Variants in PRELID2 observed in about 807,000 individuals in gnomAD.
The protein encoded by PRELID2 is PRELI domain containing 2.
Under a neutral mutation model 28.4 loss-of-function variants are expected in PRELID2, and 25 were observed. The observed-to-expected ratio is 0.88, with a 90% confidence interval of 0.64 to 1.23. The LOEUF is 1.23. Ranked by LOEUF, PRELID2 falls within the 50% of genes most tolerant of loss-of-function variation. The pLI, the probability that PRELID2 is intolerant of heterozygous loss-of-function variation, is 0.00. For synonymous variants in PRELID2, 76 were observed against 71.6 expected (o/e 1.06, Z -0.31); for missense variants, 201 against 214.4 (o/e 0.94, Z 0.39).
chr5:145,803,462 G>A (rs1248422743), intron 4 of PRELID2, among the ~76,000 whole-genome samples: 3 of 151,934 alleles, frequency 2.0e-5, no homozygotes, highest in African/African-American at 4.8e-5. Flanking sequence ...ACGAAGGCGC[G>A]GCTCCTGGAA....
chr5:145,335,274 C>G, the PRELID2 span, among the ~76,000 whole-genome samples: 11 of 151,784 alleles, frequency 7.2e-5, no homozygotes, highest in Non-Finnish European at 1.2e-4. Flanking sequence ...GCATTTTTAT[C>G]TCATTCGTTG....
At chr5:145,740,302 AT>A (rs1756629316) in intron 1 of PRELID2, among the ~76,000 whole-genome samples, 4 of 99,380 alleles carry the variant, frequency 4.0e-5, no homozygotes, top group African/African-American at 1.2e-4. Flanking sequence ...ATATATATAT[AT>A]ATATATATAT....
the PRELID2 span, among the ~76,000 whole-genome samples, chr5:145,379,043 A>G: frequency 2.7e-4 from 41 of 151,980 alleles, no homozygotes; most frequent in Non-Finnish European, 5.6e-4. Flanking sequence ...TTCTCGTATA[A>G]GGTTGATTCA....
At chr5:145,579,953 T>C (rs1753093741) in intron 1 of PRELID2, among the ~76,000 whole-genome samples, 1 of 152,072 alleles carries the variant, frequency 6.6e-6, no homozygotes, top group Non-Finnish European at 1.5e-5. Context: ...GAGTATTTGG[T>C]AAATCATTAA....
chr5:145,395,361 C>G, the PRELID2 span, among the ~76,000 whole-genome samples: 1 of 152,144 alleles, frequency 6.6e-6, no homozygotes, highest in African/African-American at 2.4e-5. Context: ...GAACTGTCCA[C>G]CAACTGGTGC....
the PRELID2 span, among the ~76,000 whole-genome samples, chr5:145,233,956 C>T: frequency 6.6e-6 from 1 of 152,192 alleles, no homozygotes; most frequent in Non-Finnish European, 1.5e-5. Context: ...TTACCAACCA[C>T]ACTGCTTTCA....
At chr5:145,731,285 CAA>C (rs1448845494) in intron 1 of PRELID2, among the ~76,000 whole-genome samples, 1 of 152,148 alleles carries the variant, frequency 6.6e-6, no homozygotes, top group East Asian at 1.9e-4. Context: ...AGCTATGGAC[CAA>C]GGCAAATGTT....
chr5:145,363,451 T>C, the PRELID2 span, among the ~76,000 whole-genome samples: 1 of 152,018 alleles, frequency 6.6e-6, no homozygotes, highest in Admixed American at 6.6e-5. Flanking sequence ...AGTAAAACTC[T>C]TAAGTCCTCT....
At chr5:145,531,196 G>T (rs1042698532) in intron 1 of PRELID2, among the ~76,000 whole-genome samples, 1 of 152,192 alleles carries the variant, frequency 6.6e-6, no homozygotes, top group East Asian at 1.9e-4. Context: ...CGTGTGCATT[G>T]TCTGATCTTG....
At chr5:145,724,649 T>TA (rs1756091420) in intron 1 of PRELID2, among the ~76,000 whole-genome samples, 1 of 62,352 alleles carries the variant, frequency 1.6e-5, no homozygotes, top group African/African-American at 3.9e-5. Context: ...ATATATATAA[T>TA]GCCTGTAACT....
At chr5:145,304,214 CTTA>C in the PRELID2 span, among the ~76,000 whole-genome samples, 18 of 152,044 alleles carry the variant, frequency 1.2e-4, no homozygotes, top group Middle Eastern at 3.4e-3. Context: ...GTCCTAATGC[CTTA>C]TTTTCAAAAT....
At chr5:145,236,753 T>C in the PRELID2 span, among the ~76,000 whole-genome samples, 2 of 152,138 alleles carry the variant, frequency 1.3e-5, no homozygotes, top group Non-Finnish European at 2.9e-5. Context: ...GGAATGTAAC[T>C]ATTCACCTTA....
intron 4 of PRELID2, among the ~76,000 whole-genome samples, chr5:145,817,204 T>A (rs1371454667): frequency 0.021 from 1,281 of 61,550 alleles, 75 homozygotes; most frequent in African/African-American, 0.052. Flanking sequence ...AAAAAATAAA[T>A]AAATAAATAA....
the PRELID2 span, among the ~76,000 whole-genome samples, chr5:145,251,049 G>T: frequency 3.3e-5 from 5 of 152,074 alleles, no homozygotes; most frequent in Admixed American, 1.3e-4. Context: ...ATGAAGAATA[G>T]ATGTCATAAC....
At chr5:145,299,520 T>C in the PRELID2 span, among the ~76,000 whole-genome samples, 1 of 152,118 alleles carries the variant, frequency 6.6e-6, no homozygotes, top group Non-Finnish European at 1.5e-5. Context: ...TGTATTATTG[T>C]ATTGTTTAAC....
At chr5:145,651,525 G>A (rs922055290) in intron 1 of PRELID2, among the ~76,000 whole-genome samples, 3 of 152,004 alleles carry the variant, frequency 2.0e-5, no homozygotes, top group Admixed American at 6.5e-5. Context: ...CAGACTGACA[G>A]CTCTCACGGC....
At chr5:145,318,070 A>AT in the PRELID2 span, among the ~76,000 whole-genome samples, 1 of 152,292 alleles carries the variant, frequency 6.6e-6, no homozygotes, top group Non-Finnish European at 1.5e-5. Context: ...GTGGCACTGT[A>AT]TATTTGTCTT....
At chr5:145,644,100 C>T (rs1754154766) in intron 1 of PRELID2, among the ~76,000 whole-genome samples, 1 of 152,152 alleles carries the variant, frequency 6.6e-6, no homozygotes, top group South Asian at 2.1e-4. Context: ...ACCAGCTCCT[C>T]TTTGTGCCTC....
the PRELID2 span, among the ~76,000 whole-genome samples, chr5:145,363,022 C>CT: frequency 3.4e-5 from 5 of 146,740 alleles, no homozygotes; most frequent in South Asian, 1.1e-3. Flanking sequence ...AAATCTGATT[C>CT]TTTTTTCTTC....
Sources: gnomAD v4.1 joint callset for allele counts (sites outside exome capture counted in the v4.1 genomes callset) on GRCh38, gnomAD v4.1.1 for gene constraint, MANE v1.5 for transcripts, NCBI Gene and HGNC (gene_info 2026-07-23, HGNC 2026-07-21) for gene names.